Variants in LDB2 observed in about 807,000 individuals in gnomAD.
The protein encoded by LDB2 is LIM domain binding 2, also known as LIM domain-binding protein 2.
Under a neutral mutation model 44.3 loss-of-function variants are expected in LDB2, and 12 were observed. The observed-to-expected ratio is 0.27, with a 90% CI of 0.17 to 0.44. The LOEUF is 0.44. LDB2 is among the 20% of genes least tolerant of loss of function. The probability of loss-of-function intolerance (pLI) is 1.00; values close to 1 mark genes in which losing one functional copy is unlikely to be tolerated. For synonymous variants in LDB2, 164 were observed against 174.8 expected (o/e 0.94, Z 0.49); for missense variants, 344 against 473.5 (o/e 0.73, Z 2.54).
At chr4:16,583,110 C>G (rs781165070) in intron 5 of LDB2, among the ~76,000 whole-genome samples, 4 of 152,164 alleles carry the variant, frequency 2.6e-5, no homozygotes, top group Non-Finnish European at 5.9e-5. Flanking sequence ...GAGCTGCCTT[C>G]GGTCAGCTCT....
rs956064113 is a variant in LDB2, at chr4:16,785,958, T to C, written c.133-26698A>G. On this transcript the variant is annotated intron_variant, in intron 1 of 7. Coordinates refer to ENST00000304523, the MANE Select transcript of LDB2 (RefSeq NM_001290.5). ...AAGAGACTCTCCCCAAAATGAATTA[T>C]GCAGAAGATACGATGAGATGAGACT... 5.3e-5 allele frequency among the ~76,000 whole-genome samples: 8 copies of C among 152,324 alleles called. No homozygotes were observed. In the East Asian group the frequency reaches 1.5e-3, roughly 29 times the overall value.
chr4:16,617,296 C>G (rs560397336), intron 2 of LDB2, among the ~76,000 whole-genome samples: 1 of 151,860 alleles, frequency 6.6e-6, no homozygotes, highest in East Asian at 1.9e-4. Flanking sequence ...TACTGAAAAC[C>G]CTCCCCGGGA....
At chr4:16,716,915 G>T (rs1276929601) in intron 2 of LDB2, among the ~76,000 whole-genome samples, 2 of 152,016 alleles carry the variant, frequency 1.3e-5, no homozygotes, top group African/African-American at 4.8e-5. Context: ...TCAAGGCCAT[G>T]ATTTAGTGGA....
chr4:16,825,592 G>A (rs1247363185), intron 1 of LDB2, among the ~76,000 whole-genome samples: 2 of 152,106 alleles, frequency 1.3e-5, no homozygotes, highest in Non-Finnish European at 2.9e-5. Context: ...GCATGTAAGT[G>A]AGGCCACTCT....
intron 2 of LDB2, among the ~76,000 whole-genome samples, chr4:16,613,946 A>G (rs954832569): frequency 1.3e-5 from 2 of 152,236 alleles, no homozygotes. Flanking sequence ...ATCAAAGAAG[A>G]CCTTGTATAG....
intron 1 of LDB2, among the ~76,000 whole-genome samples, chr4:16,828,032 A>C (rs1783377630): frequency 6.6e-6 from 1 of 151,286 alleles, no homozygotes; most frequent in Admixed American, 6.6e-5. Context: ...CCACCAAACC[A>C]TTTCCTTCCC....
At chr4:16,856,557 C>T (rs1789398130) in intron 1 of LDB2, among the ~76,000 whole-genome samples, 2 of 152,122 alleles carry the variant, frequency 1.3e-5, no homozygotes. Flanking sequence ...GCCACTGCAA[C>T]ACAATAGCAT....
chr4:16,876,901 T>G (rs1718560310), intron 1 of LDB2, among the ~76,000 whole-genome samples: 1 of 145,844 alleles, frequency 6.9e-6, no homozygotes, highest in African/African-American at 2.5e-5. Context: ...GGAATTTGTA[T>G]AGTGCTTTTT....
intron 2 of LDB2, among the ~76,000 whole-genome samples, chr4:16,627,960 G>A (rs1426618593): frequency 6.6e-6 from 1 of 152,152 alleles, no homozygotes; most frequent in Non-Finnish European, 1.5e-5. Context: ...ACGTGCACAT[G>A]GGGTTTATGA....
At chr4:16,635,542 TG>T (rs2152501296) in intron 2 of LDB2, among the ~76,000 whole-genome samples, 1 of 152,324 alleles carries the variant, frequency 6.6e-6, no homozygotes, top group East Asian at 1.9e-4. Flanking sequence ...ACCCTATATT[TG>T]CTGTTCTTGG....
intron 5 of LDB2, among the ~76,000 whole-genome samples, chr4:16,570,514 T>C (rs1162156412): frequency 9.0e-6 from 1 of 111,590 alleles, no homozygotes; most frequent in Non-Finnish European, 1.8e-5. Flanking sequence ...AGTTTACATC[T>C]CAGTGATAGC....
intron 1 of LDB2, among the ~76,000 whole-genome samples, chr4:16,810,132 G>A (rs1779562040): frequency 6.6e-6 from 1 of 152,190 alleles, no homozygotes; most frequent in South Asian, 2.1e-4. Context: ...AGGGAAATGT[G>A]TGGTAATTAA....
chr4:16,611,248 C>T (rs1338653260), intron 2 of LDB2, among the ~76,000 whole-genome samples: 2 of 152,188 alleles, frequency 1.3e-5, no homozygotes, highest in Admixed American at 1.3e-4. Context: ...CCAGTACCAG[C>T]CACTGCGAAA....
At chr4:16,852,823 C>T (rs1192338803) in intron 1 of LDB2, among the ~76,000 whole-genome samples, 2 of 152,024 alleles carry the variant, frequency 1.3e-5, no homozygotes, top group African/African-American at 2.4e-5. Context: ...CAAACTGATC[C>T]ACATATTTTA....
intron 2 of LDB2, among the ~76,000 whole-genome samples, chr4:16,739,777 T>C (rs907079944): frequency 3.5e-5 from 5 of 142,524 alleles, no homozygotes; most frequent in African/African-American, 1.3e-4. Context: ...CTTAATGAAA[T>C]AGATTGCATT....
intron 1 of LDB2, among the ~76,000 whole-genome samples, chr4:16,764,683 C>T (rs188167130): frequency 3.3e-5 from 5 of 152,270 alleles, no homozygotes; most frequent in Admixed American, 2.0e-4. Context: ...TAAAATTCTG[C>T]AGCTTTATGT....
chr4:16,562,627 A>C (rs1482450950), intron 5 of LDB2, among the ~76,000 whole-genome samples: 1 of 152,224 alleles, frequency 6.6e-6, no homozygotes, highest in African/African-American at 2.4e-5. Context: ...GGGACTGTAA[A>C]CTAGTTCAAC....
chr4:16,850,073 T>C (rs968196411), intron 1 of LDB2, among the ~76,000 whole-genome samples: 4 of 152,134 alleles, frequency 2.6e-5, no homozygotes, highest in African/African-American at 9.7e-5. Context: ...TAAACATCTT[T>C]GGAGGGGAGG....
intron 2 of LDB2, among the ~76,000 whole-genome samples, chr4:16,719,481 A>G (rs556161540): frequency 3.2e-4 from 48 of 152,088 alleles, no homozygotes; most frequent in Non-Finnish European, 5.4e-4. Flanking sequence ...AGCATCAAAA[A>G]TCACTTGAAA....
Sources: gnomAD v4.1 joint callset for allele counts (sites outside exome capture counted in the v4.1 genomes callset) on GRCh38, gnomAD v4.1.1 for gene constraint, MANE v1.5 for transcripts, NCBI Gene and HGNC (gene_info 2026-07-23, HGNC 2026-07-21) for gene names.